KLHDC4: variants seen among roughly 807,000 people sequenced by gnomAD.
KLHDC4 encodes the protein kelch domain-containing protein 4.
KLHDC4 carries 90 observed loss-of-function variants against 62.4 expected under a neutral mutation model. The ratio of observed to expected loss-of-function variants is 1.44; its 90% CI spans 1.22 to 1.72. KLHDC4 has a LOEUF of 1.72. KLHDC4 is among the 40% of genes most tolerant of loss of function. The probability of loss-of-function intolerance (pLI) is 0.00; values close to 1 mark genes in which losing one functional copy is unlikely to be tolerated. For missense variants in KLHDC4, 1,025 were observed against 699.7 expected, an observed-to-expected ratio of 1.47 and a Z score of -5.25; for synonymous variants, 386 against 284.4, an observed-to-expected ratio of 1.36 and a Z score of -3.59.
intron 4 of KLHDC4, among the ~76,000 whole-genome samples, chr16:87,754,186 C>G (rs945472361): frequency 7.3e-5 from 11 of 151,178 alleles, no homozygotes; most frequent in African/African-American, 2.7e-4. Context: ...CCTTAGCCAC[C>G]TAATACAATC....
chr16:87,729,827 G>C (rs1404997899), intron 6 of KLHDC4, among the ~76,000 whole-genome samples: 1 of 152,196 alleles, frequency 6.6e-6, no homozygotes, highest in African/African-American at 2.4e-5. Context: ...CATCACCTGG[G>C]AGCTTGTTAA....
chr16:87,707,984 C>T lies in KLHDC4; in HGVS notation c.*93G>A, dbSNP rs539987684. The T allele has an allele frequency of 1.8e-4, 87 of 477,240 alleles. No individual in the cohort carries two copies. The highest frequency in any genetic ancestry group is 1.4e-4 in the Admixed American group (6 of 43,088). The allele number at this position is 477,240 out of a possible 1,614,324, so 29.6% of individuals were successfully genotyped here. On this transcript the variant is annotated 3_prime_UTR_variant, in exon 12 of 12. Coordinates refer to ENST00000270583, the MANE Select transcript of KLHDC4 (RefSeq NM_017566.4). Reference sequence around the variant, plus strand: ...TTCAGCTCTCTCCTGTGCGTCAGGACGCACGCTGGCCCCAAGAGCTTCACT... The same window carrying T: ...TTCAGCTCTCTCCTGTGCGTCAGGATGCACGCTGGCCCCAAGAGCTTCACT...
chr16:87,717,319 A>G (rs1342100441), intron 7 of KLHDC4, among the ~76,000 whole-genome samples: 2 of 152,276 alleles, frequency 1.3e-5, no homozygotes, highest in East Asian at 1.9e-4. Flanking sequence ...CCCATCTGGT[A>G]GAGCAAGGAA....
chr16:87,702,459 G>A (rs950887333), exon 1 of KLHDC4: 18 of 362,606 alleles, frequency 5.0e-5, no homozygotes, highest in African/African-American at 1.5e-4. Context: ...GGGAGCCCGC[G>A]TCCCCAAATG....
At chr16:87,734,182 T>G (rs2040878185) in intron 5 of KLHDC4, among the ~76,000 whole-genome samples, 1 of 150,872 alleles carries the variant, frequency 6.6e-6, no homozygotes, top group South Asian at 2.1e-4. Context: ...CTGTCTATAC[T>G]AAAAATACAG....
chr16:87,733,323 G>A (rs2040724266), intron 5 of KLHDC4, among the ~76,000 whole-genome samples: 1 of 152,230 alleles, frequency 6.6e-6, no homozygotes, highest in South Asian at 2.1e-4. Context: ...AACAGACAGG[G>A]GTGGTGAGGA....
At chr16:87,754,627 C>T (rs577903732) in intron 4 of KLHDC4, among the ~76,000 whole-genome samples, 1 of 152,230 alleles carries the variant, frequency 6.6e-6, no homozygotes, top group African/African-American at 2.4e-5. Flanking sequence ...GCGAGTCTAA[C>T]TGTCACAGAG....
In KLHDC4 at chr16:87,715,792, T is replaced by C. The variant is rs151060713; in HGVS notation, c.760-1219A>G. On this transcript the variant is annotated intron_variant, in intron 7 of 11. Transcript: ENST00000270583. ...GCCTGGCTGAGGTCGTGTCTGACAG[T>C]TTCTCTTCAGCTCTATGTTCTCACA... is the stretch of plus-strand genomic sequence containing the variant. 1.1e-3 allele frequency among the ~76,000 whole-genome samples: 169 copies of C among 152,340 alleles called. 1 individual carries two copies. The highest frequency in any genetic ancestry group is 3.8e-3 in the African/African-American group (160 of 41,578).
At chr16:87,759,930 G>A (rs757034065) in intron 2 of KLHDC4, among the ~76,000 whole-genome samples, 12 of 152,154 alleles carry the variant, frequency 7.9e-5, no homozygotes, top group Non-Finnish European at 1.5e-4. Flanking sequence ...AGGCAGGTGA[G>A]GTACTGAGGC....
chr16:87,765,733 G>T (rs2046565485), intron 1 of KLHDC4, 59 bp downstream of exon 1: 1 of 1,483,786 alleles, frequency 6.7e-7, no homozygotes. Flanking sequence ...GGCGCAGGGA[G>T]TCGGCCGAGG....
At chr16:87,725,763 C>A (rs1222928487) in intron 7 of KLHDC4, among the ~76,000 whole-genome samples, 1 of 152,152 alleles carries the variant, frequency 6.6e-6, no homozygotes, top group African/African-American at 2.4e-5. Flanking sequence ...ACACACTCCA[C>A]GAGCAGATGC....
At chr16:87,711,127 T>C (rs1464870740) in intron 9 of KLHDC4, 108 bp downstream of exon 9, 2 of 1,069,520 alleles carry the variant, frequency 1.9e-6, no homozygotes, top group Admixed American at 1.9e-5. Context: ...AGAGAGCTCA[T>C]GGGCTTTGGG....
At chr16:87,746,368 A>C (rs547921206) in intron 5 of KLHDC4, among the ~76,000 whole-genome samples, 60 of 152,132 alleles carry the variant, frequency 3.9e-4, no homozygotes, top group African/African-American at 1.2e-3. Context: ...AAAGAGAGAG[A>C]GAGCGAGAAA....
rs1244873101 is a variant in KLHDC4 at position 87,752,692 on chromosome 16, A to G, written c.369+2502T>C. Among the ~76,000 whole-genome samples the G allele has an allele frequency of 2.0e-5, 3 of 152,166 alleles. No individual in the cohort carries two copies. The East Asian group carries it at 5.8e-4, about 29-fold the overall frequency. On this transcript the variant is annotated intron_variant, in intron 4 of 11. Coordinates refer to ENST00000270583, the MANE Select transcript of KLHDC4 (RefSeq NM_017566.4). ...TTAGTTACAATCCCAGGCTTGACCCAGTCCGACCCAGAGGACCACCCAAAG... is the reference window on the plus strand; with the variant it reads ...TTAGTTACAATCCCAGGCTTGACCCGGTCCGACCCAGAGGACCACCCAAAG...
rs201943345 is a variant in KLHDC4 at position 87,764,155 on chromosome 16, A to T, written c.99+1637T>A. On this transcript the variant is annotated intron_variant, in intron 1 of 11. Coordinates refer to ENST00000270583, the MANE Select transcript of KLHDC4 (RefSeq NM_017566.4). The stretch of plus-strand genomic sequence containing the variant: ...CTCTTGTGATTAGGTTGTATTACAG[A>T]CACAGCTGAATTTAAGAAAGAGATG... Among the ~76,000 whole-genome samples the T allele has an allele frequency of 8.5e-5, 13 of 152,344 alleles. No homozygotes were observed. In the East Asian group the frequency reaches 2.1e-3, roughly 25 times the overall value.
At chr16:87,755,829 T>C (rs956435466) in intron 3 of KLHDC4, 1 of 162,844 alleles carries the variant, frequency 6.1e-6, no homozygotes, top group Non-Finnish European at 1.4e-5. Flanking sequence ...CCTCCCAAAG[T>C]GCTGGGATTA....
intron 4 of KLHDC4, among the ~76,000 whole-genome samples, chr16:87,754,217 G>A (rs1033822791): frequency 6.6e-6 from 1 of 152,042 alleles, no homozygotes; most frequent in Non-Finnish European, 1.5e-5. Context: ...GTGGTGAGGG[G>A]TGCCTGTAAT....
At chr16:87,714,827 G>A (rs907250864) in intron 7 of KLHDC4, among the ~76,000 whole-genome samples, 6 of 152,142 alleles carry the variant, frequency 3.9e-5, no homozygotes, top group African/African-American at 1.4e-4. Context: ...AGTTCCTGTC[G>A]GGGCACGCAC....
intron 2 of KLHDC4, among the ~76,000 whole-genome samples, chr16:87,760,960 G>C (rs1338516529): frequency 1.3e-5 from 2 of 152,038 alleles, no homozygotes; most frequent in Non-Finnish European, 2.9e-5. Flanking sequence ...TTGAACCTGG[G>C]AGGCAGAGGT....
Sources: gnomAD v4.1 joint callset for allele counts (sites outside exome capture counted in the v4.1 genomes callset) on GRCh38, gnomAD v4.1.1 for gene constraint, MANE v1.5 for transcripts, NCBI Gene and HGNC (gene_info 2026-07-23, HGNC 2026-07-21) for gene names.